Variants in NRXN1 observed in about 807,000 individuals in gnomAD.
The protein encoded by NRXN1 is neurexin 1.
A neutral mutation model predicts 150.9 loss-of-function variants in NRXN1; 39 were observed. The observed-to-expected ratio is 0.26, with a 90% CI of 0.20 to 0.34. NRXN1 has a LOEUF of 0.34. Among genes scored for constraint, NRXN1 ranks in the 10% least tolerant of loss-of-function variants. The pLI is 1.00. For synonymous variants in NRXN1, 924 were observed against 757.0 expected (o/e 1.22, Z -3.62); for missense variants, 1,815 against 1,949.9 (o/e 0.93, Z 1.30).
chr2:50,928,897 C>T (rs191454378), intron 2 of NRXN1, among the ~76,000 whole-genome samples: 7 of 152,086 alleles, frequency 4.6e-5, no homozygotes, highest in East Asian at 1.9e-4. Flanking sequence ...ACGATGACCA[C>T]GCCACCTATA....
At chr2:50,229,350 A>C (rs1473812553) in intron 18 of NRXN1, among the ~76,000 whole-genome samples, 1 of 151,880 alleles carries the variant, frequency 6.6e-6, no homozygotes, top group African/African-American at 2.4e-5. Context: ...TGTGTAATAA[A>C]AGTAATTTTC....
At chr2:50,059,759 A>G (rs2152641185) in intron 19 of NRXN1, among the ~76,000 whole-genome samples, 1 of 152,366 alleles carries the variant, frequency 6.6e-6, no homozygotes, top group Admixed American at 6.5e-5. Context: ...TGTACAGCTC[A>G]GGTCGTTGCT....
chr2:50,531,165 T>C, intron 11 of NRXN1, 62 bp downstream of exon 11: 1 of 1,209,062 alleles, frequency 8.3e-7, no homozygotes, highest in Non-Finnish European at 1.1e-6. Flanking sequence ...GATCAATGTT[T>C]GCAGGCAAAT....
At chr2:50,707,062 C>T (rs1559149746) in intron 5 of NRXN1, among the ~76,000 whole-genome samples, 1 of 152,130 alleles carries the variant, frequency 6.6e-6, no homozygotes, top group Non-Finnish European at 1.5e-5. Context: ...TGTAATGATT[C>T]TGGTCATACA....
chr2:50,285,866 A>C (rs1294013893), intron 17 of NRXN1, among the ~76,000 whole-genome samples: 3 of 135,790 alleles, frequency 2.2e-5, no homozygotes, highest in East Asian at 4.6e-4. Context: ...TTTTTTGAAA[A>C]ACAAAAAAAA....
intron 17 of NRXN1, among the ~76,000 whole-genome samples, chr2:50,435,824 G>A (rs1558728221): frequency 1.3e-5 from 2 of 152,050 alleles, no homozygotes; most frequent in Admixed American, 6.6e-5. Context: ...AAGGAGGAGG[G>A]TGAGAATTGA....
chr2:50,385,081 G>C (rs897345862), intron 17 of NRXN1, among the ~76,000 whole-genome samples: 3 of 152,132 alleles, frequency 2.0e-5, no homozygotes, highest in Non-Finnish European at 4.4e-5. Flanking sequence ...AATACTAATT[G>C]TTTTCACATA....
chr2:50,480,904 T>C (rs1457687159), intron 15 of NRXN1, among the ~76,000 whole-genome samples: 1 of 152,188 alleles, frequency 6.6e-6, no homozygotes, highest in Admixed American at 6.5e-5. Flanking sequence ...GGCATTACTA[T>C]GGTCAAAACC....
intron 8 of NRXN1, among the ~76,000 whole-genome samples, chr2:50,582,474 T>G: frequency 1.6e-5 from 1 of 61,716 alleles, no homozygotes; most frequent in South Asian, 6.4e-4. Context: ...GTGAGACTCG[T>G]CTCCAAAAAA....
intron 17 of NRXN1, among the ~76,000 whole-genome samples, chr2:50,260,752 A>T (rs1362740682): frequency 1.3e-5 from 2 of 151,148 alleles, no homozygotes; most frequent in Non-Finnish European, 3.0e-5. Context: ...GTGTTAATCC[A>T]AGATGTATGA....
intron 2 of NRXN1, among the ~76,000 whole-genome samples, chr2:50,936,859 A>G (rs1045672834): frequency 2.6e-5 from 4 of 152,128 alleles, no homozygotes; most frequent in Admixed American, 2.6e-4. Context: ...AAACGTGGGT[A>G]GTGTGATAAT....
chr2:50,626,354 A>T (rs61160057), intron 5 of NRXN1, among the ~76,000 whole-genome samples: 10,510 of 152,022 alleles, frequency 0.069, 1,208 homozygotes, highest in African/African-American at 0.24. Context: ...GAGAAAGAAG[A>T]TGAAGTAAGT....
At chr2:51,019,437 A>G (rs1181083319) in intron 2 of NRXN1, among the ~76,000 whole-genome samples, 1 of 152,144 alleles carries the variant, frequency 6.6e-6, no homozygotes, top group Non-Finnish European at 1.5e-5. Context: ...ATGATTTTAA[A>G]TTATTCTCAA....
At chr2:50,876,226 A>AT (rs138958982) in intron 5 of NRXN1, among the ~76,000 whole-genome samples, 1,558 of 150,220 alleles carry the variant, frequency 0.01, 21 homozygotes, top group African/African-American at 0.035. Context: ...AGAAACTAAG[A>AT]TTTTTTTTTT....
At chr2:50,453,938 C>A (rs2087254824) in intron 17 of NRXN1, among the ~76,000 whole-genome samples, 1 of 152,096 alleles carries the variant, frequency 6.6e-6, no homozygotes, top group African/African-American at 2.4e-5. Flanking sequence ...TCTGATGATT[C>A]CCGTAGTATC....
chr2:50,512,469 T>G (rs2092485942), intron 12 of NRXN1, among the ~76,000 whole-genome samples: 7 of 152,194 alleles, frequency 4.6e-5, no homozygotes. Flanking sequence ...TCACTATAAA[T>G]TATATTTGAA....
At chr2:50,982,449 T>G (rs1696982208) in intron 2 of NRXN1, among the ~76,000 whole-genome samples, 1 of 152,152 alleles carries the variant, frequency 6.6e-6, no homozygotes, top group African/African-American at 2.4e-5. Flanking sequence ...GCTCTGAACG[T>G]GGCCTAAGGG....
At chr2:49,974,492 CTT>C (rs1010057091) in intron 21 of NRXN1, among the ~76,000 whole-genome samples, 4 of 151,988 alleles carry the variant, frequency 2.6e-5, no homozygotes, top group African/African-American at 7.2e-5. Flanking sequence ...AGAGGGGAAA[CTT>C]TTTTTTCCCC....
At chr2:50,918,595 C>CT in intron 5 of NRXN1, 1 of 373,002 alleles carries the variant, frequency 2.7e-6, no homozygotes, top group Non-Finnish European at 4.8e-6. Flanking sequence ...CATATTTTGA[C>CT]TTTTTTGTAA....
Sources: allele counts gnomAD v4.1 joint callset (sites outside exome capture counted in the v4.1 genomes callset), GRCh38; gene constraint gnomAD v4.1.1; transcripts MANE v1.5; gene names NCBI Gene and HGNC (gene_info 2026-07-23, HGNC 2026-07-21).